The following ANOS1 variants were observed in gnomAD, a reference collection of about 807,000 sequenced individuals.
ANOS1 encodes anosmin 1.
A neutral mutation model predicts 59.0 loss-of-function variants in ANOS1; 6 were observed. The ratio of observed to expected loss-of-function variants is 0.10; its 90% confidence interval spans 0.06 to 0.20. The LOEUF (loss-of-function observed/expected upper bound fraction) is 0.20, where lower values mean the gene tolerates loss of function less well. Ranked by LOEUF, ANOS1 falls within the 10% of genes least tolerant of loss-of-function variation. The pLI is 1.00. For synonymous variants in ANOS1, 217 were observed against 223.4 expected (o/e 0.97, Z 0.25); for missense variants, 433 against 542.3 (o/e 0.80, Z 2.00).
At chrX:8,643,292 C>T (rs1184376224) in intron 2 of ANOS1, among the ~76,000 whole-genome samples, 1 of 111,878 alleles carries the variant, frequency 8.9e-6, no homozygotes, top group Non-Finnish European at 1.9e-5. Flanking sequence ...AATAATGTAT[C>T]ATTTAAAGAT....
At chrX:8,697,670 A>G (rs1005649822) in intron 2 of ANOS1, among the ~76,000 whole-genome samples, 2 of 112,182 alleles carry the variant, frequency 1.8e-5, no homozygotes, top group Non-Finnish European at 3.8e-5. Flanking sequence ...AAAATACATC[A>G]TCGGAAAATT....
rs1932736099 is a variant in ANOS1, at chrX:8,699,825, T to C, written c.208-80A>G. 4 of 751,742 alleles carry C rather than the reference T, an allele frequency of 5.3e-6. No homozygotes were observed. The South Asian group carries it at 7.6e-5, about 14-fold the overall frequency. The allele number at this position is 751,742 out of a possible 1,213,427, so 62.0% of individuals were successfully genotyped here. A position where few individuals can be genotyped will look rare whatever the true frequency, so the allele number is the denominator to read the frequency against. On this transcript the variant is annotated intron_variant, in intron 1 of 13. Transcript: ENST00000262648. Reference sequence around the variant, plus strand: ...ATTTCTAATTTAAAATTATAATTTATGCATATAATTTTTGAATATTTGCAT... The same window carrying C: ...ATTTCTAATTTAAAATTATAATTTACGCATATAATTTTTGAATATTTGCAT...
intron 3 of ANOS1, among the ~76,000 whole-genome samples, chrX:8,610,566 C>T (rs1931037443): frequency 9.0e-6 from 1 of 111,604 alleles, no homozygotes; most frequent in South Asian, 3.8e-4. Context: ...TGATTTCTGG[C>T]TGAATACTGA....
intron 2 of ANOS1, among the ~76,000 whole-genome samples, chrX:8,665,084 G>T (rs770943059): frequency 8.9e-6 from 1 of 111,749 alleles, no homozygotes; most frequent in East Asian, 2.8e-4. Flanking sequence ...GAAGCATCCC[G>T]TCATGCTGCA....
chrX:8,689,267 T>C (rs1015545893), intron 2 of ANOS1, among the ~76,000 whole-genome samples: 2 of 111,425 alleles, frequency 1.8e-5, no homozygotes, highest in African/African-American at 6.5e-5. Flanking sequence ...TCTCTTCTTT[T>C]TTCTTTCCAT....
chrX:8,552,175 T>C (rs757685778), intron 9 of ANOS1, among the ~76,000 whole-genome samples: 19 of 111,969 alleles, frequency 1.7e-4, no homozygotes, highest in Non-Finnish European at 3.2e-4. Flanking sequence ...CCAGAAAGGG[T>C]AAACTTACAA....
chrX:8,595,670 G>A (rs1490485495), intron 4 of ANOS1, among the ~76,000 whole-genome samples: 1 of 111,358 alleles, frequency 9.0e-6, no homozygotes, highest in Non-Finnish European at 1.9e-5. Flanking sequence ...ATATGGATTT[G>A]GCATGTGTAT....
chrX:8,536,187 G>GAT (rs1569252182), intron 11 of ANOS1, among the ~76,000 whole-genome samples: 1 of 32,006 alleles, frequency 3.1e-5, no homozygotes, highest in Non-Finnish European at 6.9e-5. Flanking sequence ...TAAATCCGAA[G>GAT]CTTTTTTTTT....
chrX:8,670,393 G>A (rs2146879981), intron 2 of ANOS1, among the ~76,000 whole-genome samples: 1 of 111,367 alleles, frequency 9.0e-6, no homozygotes, highest in East Asian at 2.8e-4. Context: ...AGTTGGGATT[G>A]GAATTGGCGT....
chrX:8,606,271 T>A (rs2214989), intron 3 of ANOS1, among the ~76,000 whole-genome samples: 42,089 of 110,663 alleles, frequency 0.38, 5,746 homozygotes, highest in South Asian at 0.44. Flanking sequence ...GAAAAAAGAA[T>A]CAGTAAAATT....
intron 1 of ANOS1, among the ~76,000 whole-genome samples, chrX:8,723,556 A>T (rs774779662): frequency 1.8e-5 from 2 of 112,543 alleles, no homozygotes; most frequent in Non-Finnish European, 3.7e-5. Context: ...AGTGATTTAC[A>T]TGAAAACAAT....
At chrX:8,590,688 T>C (rs1019952224) in intron 4 of ANOS1, among the ~76,000 whole-genome samples, 1 of 112,160 alleles carries the variant, frequency 8.9e-6, no homozygotes, top group Non-Finnish European at 1.9e-5. Flanking sequence ...AAATGTTCAA[T>C]GAACAGTCAA....
chrX:8,587,976 C>G lies in ANOS1; in HGVS notation c.544G>C (p.Val182Leu). The change falls in exon 5 of 14, where the codon GTC becomes CTC. Residue 182 changes from valine to leucine, a missense_variant and splice_region_variant. Coordinates refer to ENST00000262648, the MANE Select transcript of ANOS1 (RefSeq NM_000216.4). ...CQVPKTLYKG[V>L]PLKPRKELRF... ...AACTCTTTTCTGGGCTTCAGGGGGA[C>G]ACCTGAAACAGGACCGTATCAATTA... 1 of 1,203,184 alleles carries G rather than the reference C, an allele frequency of 8.3e-7. No homozygotes were observed. The highest frequency in any genetic ancestry group is 1.8e-5 in the South Asian group (1 of 56,404).
intron 12 of ANOS1, 149 bp from the exon 13 acceptor site, chrX:8,534,609 T>C: frequency 1.8e-6 from 1 of 565,539 alleles, no homozygotes. Context: ...GTTTAATTTA[T>C]AGACTATTTC....
At chrX:8,550,551 A>C (rs1312981376) in intron 9 of ANOS1, among the ~76,000 whole-genome samples, 2 of 111,813 alleles carry the variant, frequency 1.8e-5, no homozygotes, top group Non-Finnish European at 3.8e-5. Flanking sequence ...TTTGATAAAG[A>C]AATAAAAACT....
At chrX:8,571,044 A>C (rs1304158216) in intron 6 of ANOS1, among the ~76,000 whole-genome samples, 9 of 106,967 alleles carry the variant, frequency 8.4e-5, no homozygotes, top group African/African-American at 2.4e-4. Flanking sequence ...CCGGGAGGTC[A>C]AGGCTGCAGT....
chrX:8,539,495 G>A (rs1455226851), intron 10 of ANOS1, among the ~76,000 whole-genome samples, 169 bp downstream of exon 10: 1 of 110,941 alleles, frequency 9.0e-6, no homozygotes, highest in East Asian at 2.8e-4. Flanking sequence ...TGGTGTGAAT[G>A]GATAAAAGAA....
At chrX:8,577,954 A>C (rs1025314808) in intron 6 of ANOS1, among the ~76,000 whole-genome samples, 1 of 111,965 alleles carries the variant, frequency 8.9e-6, no homozygotes. Flanking sequence ...CTATTTGTTA[A>C]ATACAGAAAC....
intron 3 of ANOS1, among the ~76,000 whole-genome samples, chrX:8,621,132 A>G (rs7065422): frequency 0.14 from 14,973 of 110,677 alleles, 1,500 homozygotes; most frequent in African/African-American, 0.33. Context: ...TTGGGAGGCC[A>G]AGGCAGGCGG....
Sources: allele counts gnomAD v4.1 joint callset (sites outside exome capture counted in the v4.1 genomes callset), GRCh38; gene constraint gnomAD v4.1.1; transcripts MANE v1.5; gene names NCBI Gene and HGNC (gene_info 2026-07-23, HGNC 2026-07-21).